SPOCK3: variants seen among roughly 807,000 people sequenced by gnomAD.
SPOCK3 encodes the protein SPARC (osteonectin), cwcv and kazal like domains proteoglycan 3.
A neutral mutation model predicts 56.6 loss-of-function variants in SPOCK3; 30 were observed. The ratio of observed to expected loss-of-function variants is 0.53; its 90% CI spans 0.40 to 0.72. SPOCK3 has a LOEUF of 0.72. Ranked by LOEUF, SPOCK3 falls within the 30% of genes least tolerant of loss-of-function variation. The pLI, the probability that SPOCK3 is intolerant of heterozygous loss-of-function variation, is 0.00. For missense variants in SPOCK3, 527 were observed against 530.0 expected (o/e 0.99, Z 0.06); for synonymous variants, 196 against 183.3 (o/e 1.07, Z -0.56).
Position 166,836,023 on chromosome 4 carries a change from A to C in SPOCK3, c.590-43734T>G, listed in dbSNP as rs557627714. Among the ~76,000 whole-genome samples, 275 of 152,210 alleles carry C rather than the reference A, an allele frequency of 1.8e-3. 2 individuals are homozygous for C. Among genetic ancestry groups the C allele is most frequent in the African/African-American group, 5.5e-3 (227 of 41,538 alleles). The stretch of plus-strand genomic sequence containing the variant: ...CTCTTGTCTCACACACACACACACA[A>C]AAAATTCTGTTTTACTATTGAAACC... On this transcript the variant is annotated intron_variant, in intron 6 of 10. Transcript: ENST00000357545.
intron 2 of SPOCK3, among the ~76,000 whole-genome samples, chr4:167,079,066 G>T (rs904909317): frequency 2.0e-5 from 3 of 150,738 alleles, no homozygotes; most frequent in African/African-American, 7.3e-5. Flanking sequence ...AATGGCATTT[G>T]GGCAAATGAA....
intron 9 of SPOCK3, among the ~76,000 whole-genome samples, chr4:166,738,519 G>T (rs1734466504): frequency 6.7e-6 from 1 of 149,230 alleles, no homozygotes. Flanking sequence ...TGCACAATGT[G>T]CAGGTTAGTT....
chr4:166,846,097 C>G (rs544768273), intron 6 of SPOCK3, among the ~76,000 whole-genome samples: 2 of 152,238 alleles, frequency 1.3e-5, no homozygotes, highest in African/African-American at 4.8e-5. Flanking sequence ...TATAACCTCA[C>G]TAGGAAATAA....
At chr4:166,983,947 A>C (rs942680897) in intron 4 of SPOCK3, among the ~76,000 whole-genome samples, 2 of 152,070 alleles carry the variant, frequency 1.3e-5, no homozygotes, top group African/African-American at 4.8e-5. Context: ...CAATATAATA[A>C]AACAAGAGAA....
chr4:166,979,243 T>G (rs982538334), intron 4 of SPOCK3, among the ~76,000 whole-genome samples: 2 of 152,134 alleles, frequency 1.3e-5, no homozygotes, highest in African/African-American at 4.8e-5. Flanking sequence ...CACATCCATA[T>G]GCAGGGTGCC....
At chr4:167,069,643 A>C (rs1203248211) in intron 2 of SPOCK3, among the ~76,000 whole-genome samples, 1 of 151,950 alleles carries the variant, frequency 6.6e-6, no homozygotes, top group Non-Finnish European at 1.5e-5. Flanking sequence ...CATGTCTTTC[A>C]TAACAGTGCA....
At chr4:166,965,646 GA>G (rs1327548968) in intron 4 of SPOCK3, among the ~76,000 whole-genome samples, 40 of 151,830 alleles carry the variant, frequency 2.6e-4, no homozygotes, top group Admixed American at 2.6e-3. Context: ...TATCAAGTCT[GA>G]AAAATTATTG....
intron 4 of SPOCK3, among the ~76,000 whole-genome samples, chr4:166,987,852 A>C (rs1747337310): frequency 6.6e-6 from 1 of 152,152 alleles, no homozygotes; most frequent in South Asian, 2.1e-4. Flanking sequence ...GAGGCAAGAA[A>C]ATAAAAACAA....
chr4:167,233,592 G>GA (rs1236793501), intron 2 of SPOCK3, among the ~76,000 whole-genome samples: 1 of 152,050 alleles, frequency 6.6e-6, no homozygotes, highest in Admixed American at 6.5e-5. Context: ...TTAGTGACAG[G>GA]ATCGATCCTA....
At chr4:166,961,614 C>T (rs950024348) in intron 4 of SPOCK3, among the ~76,000 whole-genome samples, 1 of 151,566 alleles carries the variant, frequency 6.6e-6, no homozygotes, top group Non-Finnish European at 1.5e-5. Context: ...AAGTTTATTC[C>T]TGAGGCCGGA....
intron 4 of SPOCK3, among the ~76,000 whole-genome samples, chr4:166,913,449 A>G (rs1225001838): frequency 6.6e-6 from 1 of 152,188 alleles, no homozygotes; most frequent in Non-Finnish European, 1.5e-5. Flanking sequence ...AAATGGCTTG[A>G]AAGTTAGAAA....
Position 166,734,819 on chromosome 4 carries a change from G to A in SPOCK3, c.*102C>T. On this transcript the variant is annotated 3_prime_UTR_variant, in exon 11 of 11. Coordinates refer to ENST00000357545, the MANE Select transcript of SPOCK3 (RefSeq NM_001040159.2). ...AATAATTATACAAAATATATGTGAG[G>A]TTTAGAATCATTTTGTTATTGGGGA... 3 of 995,238 alleles carry A rather than the reference G, an allele frequency of 3.0e-6. No individual in the cohort carries two copies. The highest frequency in any genetic ancestry group is 2.0e-5 in the South Asian group (1 of 49,772). 61.7% of individuals were successfully genotyped at this position (995,238 alleles called of 1,614,324 possible). A position where few individuals can be genotyped will look rare whatever the true frequency, so the allele number is the denominator to read the frequency against.
chr4:166,885,563 T>C (rs1734101526), intron 6 of SPOCK3, among the ~76,000 whole-genome samples: 1 of 152,096 alleles, frequency 6.6e-6, no homozygotes, highest in Non-Finnish European at 1.5e-5. Flanking sequence ...GCCCAAGGCC[T>C]TTAGGATTCC....
At chr4:166,891,136 A>G (rs1451615243) in intron 5 of SPOCK3, among the ~76,000 whole-genome samples, 1 of 151,730 alleles carries the variant, frequency 6.6e-6, no homozygotes, top group Non-Finnish European at 1.5e-5. Context: ...CTTTATTTTG[A>G]GCCTATGTGT....
rs13144607 is a variant in SPOCK3, at chr4:167,116,597, C to T, written c.190-54060G>A. On this transcript the variant is annotated intron_variant, in intron 2 of 10. Coordinates refer to ENST00000357545, the MANE Select transcript of SPOCK3 (RefSeq NM_001040159.2). Reference sequence around the variant, plus strand: ...ACATATATAGTTTTGTATATATATACATATATACTATATACGTATATATAT... The same window carrying T: ...ACATATATAGTTTTGTATATATATATATATATACTATATACGTATATATAT... Among the ~76,000 whole-genome samples the T allele has an allele frequency of 7.6e-5, 10 of 131,554 alleles. No individual in the cohort carries two copies. In the East Asian group the frequency reaches 8.9e-4, roughly 12 times the overall value. 86.3% of individuals were successfully genotyped at this position (131,554 alleles called of 152,430 possible).
intron 7 of SPOCK3, among the ~76,000 whole-genome samples, chr4:166,762,883 C>A (rs1206253917): frequency 6.6e-6 from 1 of 151,886 alleles, no homozygotes; most frequent in Non-Finnish European, 1.5e-5. Context: ...AAAGAAAAAC[C>A]AACCATGAGC....
chr4:167,169,471 C>G (rs1209293484), intron 2 of SPOCK3, among the ~76,000 whole-genome samples: 1 of 152,176 alleles, frequency 6.6e-6, no homozygotes, highest in Admixed American at 6.5e-5. Context: ...GGATTTCAGA[C>G]TTGCATGGGG....
At chr4:167,203,454 T>C (rs1427267925) in intron 2 of SPOCK3, among the ~76,000 whole-genome samples, 4 of 151,792 alleles carry the variant, frequency 2.6e-5, no homozygotes, top group South Asian at 4.1e-4. Flanking sequence ...CAAGTATTAA[T>C]ACTCCTTGAA....
chr4:166,799,831 A>T (rs1051210085), intron 6 of SPOCK3, among the ~76,000 whole-genome samples: 28 of 152,028 alleles, frequency 1.8e-4, no homozygotes, highest in African/African-American at 5.8e-4. Context: ...CCCGACAAGA[A>T]AGTTCACAGT....
Sources: allele counts gnomAD v4.1 joint callset (sites outside exome capture counted in the v4.1 genomes callset), GRCh38; gene constraint gnomAD v4.1.1; transcripts MANE v1.5; gene names NCBI Gene and HGNC (gene_info 2026-07-23, HGNC 2026-07-21).